PEPD: variants seen among roughly 807,000 people sequenced by gnomAD.
PEPD encodes the protein peptidase D, also known as xaa-Pro dipeptidase.
PEPD carries 53 observed loss-of-function variants against 60.7 expected under a neutral mutation model. The ratio of observed to expected loss-of-function variants is 0.87; its 90% CI spans 0.70 to 1.10. The LOEUF (loss-of-function observed/expected upper bound fraction) is 1.10. Ranked by LOEUF, PEPD falls within the 50% of genes least tolerant of loss-of-function variation. The pLI, the probability that PEPD is intolerant of heterozygous loss-of-function variation, is 0.00. For missense variants in PEPD, 711 were observed against 711.9 expected (o/e 1.00, Z 0.01); for synonymous variants, 267 against 284.1 (o/e 0.94, Z 0.60).
At chr19:33,414,407 A>G (rs1968844347) in intron 9 of PEPD, among the ~76,000 whole-genome samples, 2 of 152,316 alleles carry the variant, frequency 1.3e-5, no homozygotes, top group East Asian at 3.9e-4. Flanking sequence ...CACTGCATGG[A>G]TCTTTGAGCT....
chr19:33,434,165 T>C (rs1969329266), intron 9 of PEPD, among the ~76,000 whole-genome samples: 1 of 152,108 alleles, frequency 6.6e-6, no homozygotes, highest in African/African-American at 2.4e-5. Flanking sequence ...GCTGTTCGTG[T>C]CCCTGACTGT....
chr19:33,415,195 C>T (rs977511684), intron 9 of PEPD, among the ~76,000 whole-genome samples: 15 of 152,152 alleles, frequency 9.9e-5, no homozygotes, highest in Admixed American at 8.5e-4. Flanking sequence ...GGTCCTGCAC[C>T]AACAGAAGCG....
intron 9 of PEPD, among the ~76,000 whole-genome samples, chr19:33,447,451 T>C (rs1164936149): frequency 1.3e-5 from 2 of 152,216 alleles, no homozygotes; most frequent in Non-Finnish European, 2.9e-5. Flanking sequence ...GCCAAGTTCC[T>C]GCAGGTGCAG....
At chr19:33,501,633 T>C (rs1970716077) in intron 3 of PEPD, among the ~76,000 whole-genome samples, 2 of 151,988 alleles carry the variant, frequency 1.3e-5, no homozygotes, top group Admixed American at 1.3e-4. Flanking sequence ...GTCAAGATGG[T>C]GCCACTGCAC....
chr19:33,440,251 G>A (rs1286660653), intron 9 of PEPD, among the ~76,000 whole-genome samples: 1 of 151,974 alleles, frequency 6.6e-6, no homozygotes, highest in Non-Finnish European at 1.5e-5. Context: ...CCATCCTTCT[G>A]GCTGCTCAAA....
chr19:33,487,597 G>A (rs1020039274), intron 6 of PEPD, among the ~76,000 whole-genome samples: 18 of 149,028 alleles, frequency 1.2e-4, no homozygotes, highest in African/African-American at 3.9e-4. Context: ...CACCCGGGGT[G>A]GGGGGCAGTG....
At chr19:33,409,042 G>A (rs1375192802) in intron 11 of PEPD, among the ~76,000 whole-genome samples, 3 of 152,218 alleles carry the variant, frequency 2.0e-5, no homozygotes, top group Non-Finnish European at 2.9e-5. Context: ...TAACATCCTC[G>A]GATCACTCCT....
At chr19:33,509,293 G>A (rs895059666) in intron 3 of PEPD, among the ~76,000 whole-genome samples, 1 of 152,236 alleles carries the variant, frequency 6.6e-6, no homozygotes, top group Admixed American at 6.5e-5. Context: ...TTCTTCCCAG[G>A]GGCCGAGCCA....
At chr19:33,504,656 G>C (rs749475181) in intron 3 of PEPD, among the ~76,000 whole-genome samples, 3 of 152,142 alleles carry the variant, frequency 2.0e-5, no homozygotes, top group African/African-American at 4.8e-5. Flanking sequence ...CTACTCAGGA[G>C]GCTGAGGCAA....
At chr19:33,447,975 G>C (rs938905543) in intron 9 of PEPD, among the ~76,000 whole-genome samples, 1 of 152,218 alleles carries the variant, frequency 6.6e-6, no homozygotes, top group Non-Finnish European at 1.5e-5. Flanking sequence ...CAGGGATGGG[G>C]AGGAGCCTCA....
chr19:33,390,741 C>T (rs78521473), intron 13 of PEPD, among the ~76,000 whole-genome samples: 2 of 151,990 alleles, frequency 1.3e-5, no homozygotes, highest in East Asian at 1.9e-4. Flanking sequence ...TATCTGCCAA[C>T]GGGCCCCAGA....
At chr19:33,494,390 T>C (rs545965409) in intron 4 of PEPD, among the ~76,000 whole-genome samples, 7 of 152,344 alleles carry the variant, frequency 4.6e-5, no homozygotes, top group Admixed American at 3.3e-4. Context: ...TTGATAAGTT[T>C]TGACATATGT....
chr19:33,429,502 G>C (rs1363657259), intron 9 of PEPD, among the ~76,000 whole-genome samples: 11 of 152,222 alleles, frequency 7.2e-5, no homozygotes, highest in Non-Finnish European at 1.5e-5. Flanking sequence ...ACGAAACCAT[G>C]TGGATACACA....
chr19:33,467,944 C>A (rs979721322), intron 7 of PEPD, among the ~76,000 whole-genome samples: 1 of 152,160 alleles, frequency 6.6e-6, no homozygotes. Flanking sequence ...GAAAGGGCCA[C>A]GTCCTCCCCT....
chr19:33,504,292 GC>G (rs1478198876), intron 3 of PEPD, among the ~76,000 whole-genome samples: 1 of 152,214 alleles, frequency 6.6e-6, no homozygotes, highest in African/African-American at 2.4e-5. Flanking sequence ...GGCCACACAA[GC>G]CCTGCAAAGC....
At chr19:33,453,093 A>G (rs1263378345) in intron 9 of PEPD, among the ~76,000 whole-genome samples, 1 of 152,050 alleles carries the variant, frequency 6.6e-6, no homozygotes, top group African/African-American at 2.4e-5. Context: ...AGGCCGTGGC[A>G]GGAGGATCGC....
At chr19:33,393,301 G>A (rs917753112) in intron 12 of PEPD, among the ~76,000 whole-genome samples, 7 of 149,690 alleles carry the variant, frequency 4.7e-5, no homozygotes. Context: ...GGGAGAGCCC[G>A]GGGTCTGGCG....
At chr19:33,421,531 C>T (rs1969018966) in intron 9 of PEPD, among the ~76,000 whole-genome samples, 1 of 152,196 alleles carries the variant, frequency 6.6e-6, no homozygotes, top group Non-Finnish European at 1.5e-5. Context: ...CACTCTGTTG[C>T]TCAGGCTGGA....
intron 9 of PEPD, among the ~76,000 whole-genome samples, chr19:33,432,528 T>C (rs75464843): frequency 0.032 from 4,915 of 152,190 alleles, 150 homozygotes; most frequent in East Asian, 0.077. Flanking sequence ...GAAGAGCCGA[T>C]TGAAAAAGCA....
Sources: allele counts gnomAD v4.1 joint callset (sites outside exome capture counted in the v4.1 genomes callset), GRCh38; gene constraint gnomAD v4.1.1; transcripts MANE v1.5; gene names NCBI Gene and HGNC (gene_info 2026-07-23, HGNC 2026-07-21).